RUNX2: variants seen among roughly 807,000 people sequenced by gnomAD.
RUNX2 encodes runt-related transcription factor 2.
RUNX2 carries 10 observed loss-of-function variants against 51.7 expected under a neutral mutation model. That is an observed-to-expected ratio of 0.19 (90% CI 0.12 to 0.33). The LOEUF (loss-of-function observed/expected upper bound fraction) is 0.33, where lower values mean the gene tolerates loss of function less well. RUNX2 is among the 10% of genes least tolerant of loss of function. The pLI is 1.00. For missense variants in RUNX2, 562 were observed against 691.3 expected (o/e 0.81, Z 2.10); for synonymous variants, 276 against 273.6 (o/e 1.01, Z -0.09).
At chr6:45,413,429 CTTTTTTTTTTTTTTT>C (rs67659911) in intron 2 of RUNX2, among the ~76,000 whole-genome samples, 14 of 56,638 alleles carry the variant, frequency 2.5e-4, no homozygotes, top group South Asian at 2.2e-3. Flanking sequence ...AAGATACATT[CTTTTTTTTTTTTTTT>C]TTTTTTTTTT....
Position 45,412,821 on chromosome 6 carries a change from T to G in RUNX2, c.59-9772T>G, listed in dbSNP as rs11962735. 3.9e-5 allele frequency among the ~76,000 whole-genome samples: 6 copies of G among 152,304 alleles called. No homozygotes were observed. In the East Asian group the frequency reaches 1.2e-3, roughly 29 times the overall value. On this transcript the variant is annotated intron_variant, in intron 2 of 8. Coordinates refer to ENST00000647337, the MANE Select transcript of RUNX2 (RefSeq NM_001024630.4). ...GTGCAGTGGCACAATCTCGGCTTAC[T>G]GCAACCTCCGCCTCCAAGATTCAAG...
At chr6:45,414,365 TA>T (rs1798017921) in intron 2 of RUNX2, among the ~76,000 whole-genome samples, 1 of 152,182 alleles carries the variant, frequency 6.6e-6, no homozygotes, top group Non-Finnish European at 1.5e-5. Flanking sequence ...ACGGTCCCTT[TA>T]ATGTTCCAAC....
intron 5 of RUNX2, among the ~76,000 whole-genome samples, chr6:45,462,881 G>A (rs1237076162): frequency 3.3e-5 from 5 of 152,208 alleles, no homozygotes; most frequent in Admixed American, 6.5e-5. Context: ...ACAGTGAGTC[G>A]TAGTGTAGTA....
chr6:45,335,511 A>G (rs1047032044), intron 2 of RUNX2, among the ~76,000 whole-genome samples: 1 of 151,310 alleles, frequency 6.6e-6, no homozygotes, highest in African/African-American at 2.4e-5. Context: ...ACAGCTCATT[A>G]AAATACATTT....
chr6:45,422,780 GGCTGCGGCGGCGGCAGCT>G lies in RUNX2; in HGVS notation c.249_266del (p.Ala84_Ala89del). 7.2e-7 allele frequency: 1 copy of G among 1,398,530 alleles called. No homozygotes were observed. Among genetic ancestry groups the G allele is most frequent in the Non-Finnish European group, 9.5e-7 (1 of 1,055,244 alleles). 86.6% of individuals were successfully genotyped at this position (1,398,530 alleles called of 1,614,324 possible). A position where few individuals can be genotyped will look rare whatever the true frequency, so the allele number is the denominator to read the frequency against. ...CGGCGGCGGCTGCGGCGGCGGCGGC[GGCTGCGGCGGCGGCAGCT>G]GCAGTGCCCCGGTTGCGGCCGCCCC... On this transcript the variant is annotated inframe_deletion, in exon 3 of 9. Transcript: ENST00000647337.
chr6:45,487,368 A>G (rs1370884287), intron 5 of RUNX2, among the ~76,000 whole-genome samples: 1 of 152,190 alleles, frequency 6.6e-6, no homozygotes, highest in Non-Finnish European at 1.5e-5. Flanking sequence ...GTCCTCATCC[A>G]TAAAAGAAGC....
chr6:45,545,488 A>G (rs963171119), intron 8 of RUNX2, among the ~76,000 whole-genome samples: 6 of 152,220 alleles, frequency 3.9e-5, no homozygotes, highest in African/African-American at 1.4e-4. Context: ...ATAACCTTCA[A>G]TCAGCACCTT....
Position 45,459,793 on chromosome 6 carries a change from G to T in RUNX2, c.685+21742G>T, listed in dbSNP as rs142520125. Among the ~76,000 whole-genome samples the T allele has an allele frequency of 1.4e-3, 215 of 152,346 alleles. 2 individuals carry two copies. The highest frequency in any genetic ancestry group is 2.5e-3 in the Non-Finnish European group (171 of 68,038). ...AAAGAACCAGGGTAAGGGGACAGAG[G>T]GAGGGAGGTGGATGATTTTTCATGT... On this transcript the variant is annotated intron_variant, in intron 5 of 8. Transcript: ENST00000647337.
chr6:45,442,133 T>G (rs1422358015), intron 5 of RUNX2, among the ~76,000 whole-genome samples: 4 of 152,224 alleles, frequency 2.6e-5, no homozygotes, highest in Non-Finnish European at 2.9e-5. Context: ...AAACTTCCCT[T>G]TAAAGGAACA....
At chr6:45,431,746 T>C in intron 3 of RUNX2, 117 bp from the exon 4 acceptor site, 1 of 1,183,208 alleles carries the variant, frequency 8.5e-7, no homozygotes, top group Non-Finnish European at 1.3e-6. Flanking sequence ...CGGCCATTAC[T>C]GGACTGGACT....
intron 5 of RUNX2, among the ~76,000 whole-genome samples, chr6:45,473,180 T>C (rs1799856003): frequency 1.3e-5 from 2 of 152,248 alleles, no homozygotes; most frequent in Non-Finnish European, 2.9e-5. Context: ...TCCTATTCTC[T>C]TGATTATTTT....
At chr6:45,542,642 A>T (rs1032466338) in intron 7 of RUNX2, among the ~76,000 whole-genome samples, 1 of 152,154 alleles carries the variant, frequency 6.6e-6, no homozygotes. Flanking sequence ...AAAGATAGGA[A>T]CTCTCACTGG....
chr6:45,447,878 G>T (rs1007496517), intron 5 of RUNX2, among the ~76,000 whole-genome samples: 2 of 152,216 alleles, frequency 1.3e-5, no homozygotes, highest in African/African-American at 2.4e-5. Flanking sequence ...GTTAGCAGTT[G>T]TGTGTGTTAG....
chr6:45,386,512 CAG>C (rs1205354060), intron 2 of RUNX2, among the ~76,000 whole-genome samples: 1 of 152,126 alleles, frequency 6.6e-6, no homozygotes, highest in Non-Finnish European at 1.5e-5. Context: ...TTGACTGGAG[CAG>C]AGAAAGATGT....
At chr6:45,455,800 A>G (rs866321858) in intron 5 of RUNX2, among the ~76,000 whole-genome samples, 39 of 152,290 alleles carry the variant, frequency 2.6e-4, no homozygotes, top group South Asian at 6.2e-4. Context: ...AGAAACTGCA[A>G]TTATTATTGG....
intron 2 of RUNX2, chr6:45,421,044 G>T (rs1460113214): frequency 3.3e-5 from 5 of 152,018 alleles, no homozygotes; most frequent in African/African-American, 9.7e-5. Flanking sequence ...ACCCACACTA[G>T]GAAATAAATA....
At chr6:45,363,487 G>GT (rs1198923875) in intron 2 of RUNX2, among the ~76,000 whole-genome samples, 1 of 152,078 alleles carries the variant, frequency 6.6e-6, no homozygotes, top group Non-Finnish European at 1.5e-5. Flanking sequence ...TCATTACACT[G>GT]TAAGTTTGAA....
chr6:45,455,415 T>C (rs960904165), intron 5 of RUNX2, among the ~76,000 whole-genome samples: 1 of 152,204 alleles, frequency 6.6e-6, no homozygotes, highest in Admixed American at 6.5e-5. Context: ...TAAAAGAAGG[T>C]AATTTTAGGA....
At chr6:45,420,800 T>A (rs1798165669) in intron 2 of RUNX2, among the ~76,000 whole-genome samples, 2 of 152,224 alleles carry the variant, frequency 1.3e-5, no homozygotes, top group Non-Finnish European at 1.5e-5. Context: ...CACATTGTTT[T>A]ATTTGTTTTG....
Sources: gnomAD v4.1 joint callset for allele counts (sites outside exome capture counted in the v4.1 genomes callset) on GRCh38, gnomAD v4.1.1 for gene constraint, MANE v1.5 for transcripts, NCBI Gene and HGNC (gene_info 2026-07-23, HGNC 2026-07-21) for gene names.